Variants in RNF180 observed in about 807,000 individuals in gnomAD.
The protein encoded by RNF180 is E3 ubiquitin-protein ligase RNF180.
Under a neutral mutation model 59.2 loss-of-function variants are expected in RNF180, and 38 were observed. The observed-to-expected ratio is 0.64, with a 90% confidence interval of 0.50 to 0.84. RNF180 has a LOEUF of 0.84. RNF180 is among the 40% of genes least tolerant of loss of function. The probability of loss-of-function intolerance (pLI) is 0.00; values close to 1 mark genes in which losing one functional copy is unlikely to be tolerated. For missense variants in RNF180, 705 were observed against 700.9 expected (o/e 1.01, Z -0.07); for synonymous variants, 262 against 240.3 (o/e 1.09, Z -0.84).
chr5:64,353,749 A>G (rs1043239612), intron 7 of RNF180, among the ~76,000 whole-genome samples: 7 of 151,838 alleles, frequency 4.6e-5, no homozygotes, highest in Non-Finnish European at 5.9e-5. Flanking sequence ...ATACATTTTA[A>G]AAGATTGAAG....
chr5:64,276,488 C>G (rs1242987014), intron 5 of RNF180, among the ~76,000 whole-genome samples: 1 of 151,896 alleles, frequency 6.6e-6, no homozygotes, highest in Non-Finnish European at 1.5e-5. Context: ...ACTAAATGAC[C>G]TCTTTATTCT....
At chr5:64,199,781 C>A (rs2074850917) in intron 1 of RNF180, among the ~76,000 whole-genome samples, 1 of 152,152 alleles carries the variant, frequency 6.6e-6, no homozygotes, top group Non-Finnish European at 1.5e-5. Context: ...TTATTTAACA[C>A]CCTGTACCTA....
intron 5 of RNF180, among the ~76,000 whole-genome samples, chr5:64,286,586 T>C (rs978696876): frequency 2.0e-5 from 3 of 152,236 alleles, no homozygotes; most frequent in Non-Finnish European, 2.9e-5. Flanking sequence ...GTTGACTCTT[T>C]ATCACTTTTT....
At chr5:64,366,411 TG>T (rs1337459369) in intron 7 of RNF180, among the ~76,000 whole-genome samples, 1 of 151,542 alleles carries the variant, frequency 6.6e-6, no homozygotes, top group African/African-American at 2.4e-5. Flanking sequence ...ATTTCCACCC[TG>T]GAGAATGTTA....
chr5:64,233,493 G>A (rs996619123), intron 5 of RNF180, among the ~76,000 whole-genome samples: 1 of 152,146 alleles, frequency 6.6e-6, no homozygotes, highest in Admixed American at 6.5e-5. Context: ...ATGACAAAAA[G>A]GGATGGCTTT....
At chr5:64,331,109 T>A (rs1744887331) in intron 7 of RNF180, among the ~76,000 whole-genome samples, 1 of 152,204 alleles carries the variant, frequency 6.6e-6, no homozygotes, top group African/African-American at 2.4e-5. Flanking sequence ...GCCAGCCCCC[T>A]GCTGCCTAGG....
Position 64,214,667 on chromosome 5 carries a change from G to A in RNF180, c.1191+150G>A, listed in dbSNP as rs1054843439. 41 of 666,480 alleles carry A rather than the reference G, an allele frequency of 6.2e-5. No individual in the cohort carries two copies. In the East Asian group the frequency reaches 1.1e-3, roughly 17 times the overall value. The allele number at this position is 666,480 out of a possible 1,614,324, so 41.3% of individuals were successfully genotyped here. On this transcript the variant is annotated intron_variant, in intron 4 of 7. Transcript: ENST00000389100. ...CTCTCTGAGTGCACTCAGTAATCAT[G>A]CAGCCATATTATAATTGGCATGTAT...
intron 2 of RNF180, among the ~76,000 whole-genome samples, chr5:64,204,363 T>C (rs1314081128): frequency 1.3e-5 from 2 of 152,336 alleles, no homozygotes; most frequent in East Asian, 3.9e-4. Context: ...TCATAGGGTA[T>C]GTGCATGTTC....
intron 7 of RNF180, among the ~76,000 whole-genome samples, chr5:64,352,100 G>A (rs1479256983): frequency 1.3e-5 from 2 of 151,990 alleles, no homozygotes; most frequent in African/African-American, 4.8e-5. Flanking sequence ...GGTCTATTCA[G>A]GGATTCAAGT....
intron 5 of RNF180, among the ~76,000 whole-genome samples, chr5:64,294,008 A>G (rs949685550): frequency 6.6e-6 from 1 of 152,324 alleles, no homozygotes; most frequent in South Asian, 2.1e-4. Flanking sequence ...TTAGCTATGT[A>G]TGCGTGATGC....
At chr5:64,201,602 A>G (rs1394299311) in intron 2 of RNF180, among the ~76,000 whole-genome samples, 1 of 152,220 alleles carries the variant, frequency 6.6e-6, no homozygotes, top group Non-Finnish European at 1.5e-5. Flanking sequence ...TTTGGGAGAC[A>G]TACTCAGCTT....
In RNF180 at chr5:64,325,874, C is replaced by A. The variant is rs529438789; in HGVS notation, c.1453+463C>A. ...TTCTTAATGTTCTTAAGGTTAAGGTCTTTCTCCTTGAACAGGAAAAAAGTC... is the reference window on the plus strand; with the variant it reads ...TTCTTAATGTTCTTAAGGTTAAGGTATTTCTCCTTGAACAGGAAAAAAGTC... On this transcript the variant is annotated intron_variant, in intron 6 of 7. Transcript: ENST00000389100. Among the ~76,000 whole-genome samples the A allele has an allele frequency of 2.6e-5, 4 of 152,256 alleles. No homozygotes were observed. In the South Asian group the frequency reaches 8.3e-4, roughly 32 times the overall value.
intron 5 of RNF180, among the ~76,000 whole-genome samples, chr5:64,304,814 G>A (rs1743346510): frequency 6.6e-6 from 1 of 151,634 alleles, no homozygotes; most frequent in African/African-American, 2.4e-5. Context: ...AAGTTTTACT[G>A]TGGATAATAT....
chr5:64,368,505 A>G (rs1339655758), intron 7 of RNF180, among the ~76,000 whole-genome samples: 3 of 151,780 alleles, frequency 2.0e-5, no homozygotes, highest in Non-Finnish European at 2.9e-5. Context: ...CTGACTTCAT[A>G]TCCTGTGTTC....
Position 64,369,855 on chromosome 5 carries a change from G to T in RNF180, c.*41G>T. 1 of 1,101,328 alleles carries T rather than the reference G, an allele frequency of 9.1e-7. No individual in the cohort carries two copies. The highest frequency in any genetic ancestry group is 1.2e-6 in the Non-Finnish European group (1 of 823,798). 68.2% of individuals were successfully genotyped at this position (1,101,328 alleles called of 1,614,324 possible). ...CTACAATTGACCAATCATAAATGAT[G>T]TAAATAACAATTGCTTAAACATTTT... On this transcript the variant is annotated 3_prime_UTR_variant, in exon 8 of 8. Coordinates refer to ENST00000389100, the MANE Select transcript of RNF180 (RefSeq NM_001113561.2).
intron 5 of RNF180, among the ~76,000 whole-genome samples, chr5:64,299,532 A>G (rs185516563): frequency 6.6e-4 from 101 of 152,136 alleles, no homozygotes; most frequent in African/African-American, 2.2e-3. Flanking sequence ...TTATATTGTT[A>G]TAGTATTTTA....
chr5:64,364,325 T>C (rs1198709235), intron 7 of RNF180, among the ~76,000 whole-genome samples: 1 of 151,672 alleles, frequency 6.6e-6, no homozygotes, highest in African/African-American at 2.4e-5. Context: ...TCTGCATCTA[T>C]TGAGATGATG....
intron 5 of RNF180, among the ~76,000 whole-genome samples, chr5:64,240,483 T>C (rs569981725): frequency 7.2e-5 from 11 of 152,340 alleles, no homozygotes; most frequent in African/African-American, 2.6e-4. Context: ...AACTTTGTTA[T>C]TGCAGTTAAA....
intron 7 of RNF180, among the ~76,000 whole-genome samples, chr5:64,356,223 C>G (rs902199842): frequency 1.3e-5 from 2 of 151,466 alleles, no homozygotes; most frequent in Non-Finnish European, 2.9e-5. Flanking sequence ...TGCTGTGCCA[C>G]TGCACTACAG....
Sources: gnomAD v4.1 joint callset for allele counts (sites outside exome capture counted in the v4.1 genomes callset) on GRCh38, gnomAD v4.1.1 for gene constraint, MANE v1.5 for transcripts, NCBI Gene and HGNC (gene_info 2026-07-23, HGNC 2026-07-21) for gene names.